The following HTR2C variants were observed in gnomAD, a reference collection of about 807,000 sequenced individuals.
The protein encoded by HTR2C is 5-hydroxytryptamine receptor 2C.
A neutral mutation model predicts 21.0 loss-of-function variants in HTR2C; 5 were observed. That is an observed-to-expected ratio of 0.24 (90% CI 0.12 to 0.50). HTR2C has a LOEUF of 0.50. HTR2C is among the 20% of genes least tolerant of loss of function. The probability of loss-of-function intolerance (pLI) is 0.98; values close to 1 mark genes in which losing one functional copy is unlikely to be tolerated. For synonymous variants in HTR2C, 150 were observed against 145.3 expected (o/e 1.03, Z -0.23); for missense variants, 271 against 371.2 (o/e 0.73, Z 2.22).
chrX:114,654,283 A>G (rs1308543241), intron 2 of HTR2C, among the ~76,000 whole-genome samples: 1 of 107,413 alleles, frequency 9.3e-6, no homozygotes, highest in Non-Finnish European at 1.9e-5. Flanking sequence ...GTATATATGT[A>G]TATATACTCA....
At chrX:114,650,497 A>T (rs1447680877) in intron 2 of HTR2C, among the ~76,000 whole-genome samples, 1 of 111,651 alleles carries the variant, frequency 9.0e-6, no homozygotes, top group African/African-American at 3.3e-5. Flanking sequence ...TCTCTGGAAC[A>T]CTAGTTTTCC....
chrX:114,749,624 A>G (rs182453957), intron 4 of HTR2C, among the ~76,000 whole-genome samples: 121 of 110,161 alleles, frequency 1.1e-3, no homozygotes, highest in African/African-American at 3.7e-3. Context: ...AGAGGAAGTG[A>G]CATCTAAGTG....
At chrX:114,663,933 G>T (rs1424857660) in intron 2 of HTR2C, among the ~76,000 whole-genome samples, 1 of 111,507 alleles carries the variant, frequency 9.0e-6, no homozygotes, top group Non-Finnish European at 1.9e-5. Flanking sequence ...TTTAGTTTGT[G>T]AAGAAGACTG....
At chrX:114,767,622 A>G (rs1463554910) in intron 4 of HTR2C, among the ~76,000 whole-genome samples, 1 of 109,288 alleles carries the variant, frequency 9.2e-6, no homozygotes, top group Non-Finnish European at 1.9e-5. Flanking sequence ...CTATTAAACT[A>G]ATAGCTGAAG....
At chrX:114,846,236 C>T (rs2070872760) in intron 4 of HTR2C, among the ~76,000 whole-genome samples, 1 of 111,411 alleles carries the variant, frequency 9.0e-6, no homozygotes, top group African/African-American at 3.3e-5. Flanking sequence ...TTTTGAATTT[C>T]ACCGAACATT....
chrX:114,847,263 A>AATG (rs1427902776), intron 4 of HTR2C, among the ~76,000 whole-genome samples: 1 of 108,589 alleles, frequency 9.2e-6, no homozygotes, highest in African/African-American at 3.4e-5. Context: ...AGCCATAAAA[A>AATG]ATGATGAGTT....
chrX:114,874,224 TA>T (rs1371356084), intron 5 of HTR2C, among the ~76,000 whole-genome samples: 6 of 111,259 alleles, frequency 5.4e-5, no homozygotes, highest in African/African-American at 2.0e-4. Context: ...TTGGTTATTG[TA>T]AATAGTGCAT....
At chrX:114,667,069 C>T (rs955697247) in intron 2 of HTR2C, among the ~76,000 whole-genome samples, 4 of 110,780 alleles carry the variant, frequency 3.6e-5, no homozygotes, top group Non-Finnish European at 7.6e-5. Flanking sequence ...GAACTCTGGG[C>T]ACTATCAAAA....
At chrX:114,639,974 G>C (rs1930030447) in intron 2 of HTR2C, among the ~76,000 whole-genome samples, 1 of 111,355 alleles carries the variant, frequency 9.0e-6, no homozygotes, top group African/African-American at 3.3e-5. Flanking sequence ...TTGCTTTATA[G>C]AACTTTATAA....
intron 4 of HTR2C, among the ~76,000 whole-genome samples, chrX:114,760,573 G>T (rs945364165): frequency 1.3e-4 from 15 of 111,684 alleles, no homozygotes; most frequent in African/African-American, 4.9e-4. Context: ...CTAGAGTGTG[G>T]TGGCACAATC....
intron 2 of HTR2C, among the ~76,000 whole-genome samples, chrX:114,696,069 T>C (rs1932267805): frequency 8.9e-6 from 1 of 111,858 alleles, no homozygotes; most frequent in Non-Finnish European, 1.9e-5. Context: ...TTTCAATATA[T>C]TAGTCAATTC....
chrX:114,690,536 A>T (rs1332159312), intron 2 of HTR2C, among the ~76,000 whole-genome samples: 2 of 111,562 alleles, frequency 1.8e-5, no homozygotes, highest in Non-Finnish European at 3.8e-5. Flanking sequence ...TACATAGAAA[A>T]TAGAATACAA....
At chrX:114,726,375 C>T (rs782726022) in intron 2 of HTR2C, among the ~76,000 whole-genome samples, 3 of 112,255 alleles carry the variant, frequency 2.7e-5, no homozygotes, top group African/African-American at 6.5e-5. Context: ...TGCTTCGGCT[C>T]GCGCACGGTG....
At chrX:114,764,060 C>A (rs1203921249) in intron 4 of HTR2C, among the ~76,000 whole-genome samples, 1 of 111,716 alleles carries the variant, frequency 9.0e-6, no homozygotes, top group Admixed American at 9.5e-5. Flanking sequence ...GAGTCTTCTA[C>A]CTCTGGTTAT....
At chrX:114,647,539 T>C (rs1182626984) in intron 2 of HTR2C, among the ~76,000 whole-genome samples, 1 of 112,533 alleles carries the variant, frequency 8.9e-6, no homozygotes, top group Non-Finnish European at 1.9e-5. Context: ...GTTTACTATA[T>C]GCCTACTGTG....
chrX:114,702,911 T>G (rs1341279801), intron 2 of HTR2C, among the ~76,000 whole-genome samples: 7 of 102,822 alleles, frequency 6.8e-5, no homozygotes, highest in Admixed American at 1.1e-4. Flanking sequence ...GTTGCAATCC[T>G]AGTCTCTGAT....
In HTR2C at chrX:114,807,158, TATATACCCC is replaced by T. The variant is rs1292896238; in HGVS notation, c.350-40839_350-40831del. Among the ~76,000 whole-genome samples the T allele has an allele frequency of 6.2e-5, 3 of 48,322 alleles. 1 individual carries two copies. Among genetic ancestry groups the T allele is most frequent in the African/African-American group, 9.4e-5 (1 of 10,670 alleles). The allele number at this position is 48,322 out of a possible 115,157, so 42.0% of individuals were successfully genotyped here. On this transcript the variant is annotated intron_variant, in intron 4 of 5. Coordinates refer to ENST00000276198, the MANE Select transcript of HTR2C (RefSeq NM_000868.4). ...ATATATATACCATATATACACCATA[TATATACCCC>T]ATATATACACCATGTATATATACAC... is the stretch of plus-strand genomic sequence containing the variant.
intron 1 of HTR2C, among the ~76,000 whole-genome samples, chrX:114,602,495 G>A (rs1351557356): frequency 4.5e-4 from 25 of 55,642 alleles, no homozygotes; most frequent in African/African-American, 1.6e-3. Flanking sequence ...TTGGTGAGGT[G>A]TGTTTTTAAA....
At chrX:114,706,167 G>A (rs377504913) in intron 2 of HTR2C, among the ~76,000 whole-genome samples, 2 of 57,180 alleles carry the variant, frequency 3.5e-5, no homozygotes, top group Non-Finnish European at 3.3e-5. Context: ...TCAGGGATCT[G>A]GAACTAGAAA....
Sources: gnomAD v4.1 joint callset for allele counts (sites outside exome capture counted in the v4.1 genomes callset) on GRCh38, gnomAD v4.1.1 for gene constraint, MANE v1.5 for transcripts, NCBI Gene and HGNC (gene_info 2026-07-23, HGNC 2026-07-21) for gene names.